The following CDH24 variants were observed in gnomAD, a reference collection of about 807,000 sequenced individuals.
CDH24 encodes cadherin 24, also known as cadherin-24.
Under a neutral mutation model 71.2 loss-of-function variants are expected in CDH24, and 61 were observed. That is an observed-to-expected ratio of 0.86 (90% confidence interval 0.70 to 1.06). The LOEUF (loss-of-function observed/expected upper bound fraction) is 1.06, where lower values mean the gene tolerates loss of function less well. CDH24 is among the 50% of genes least tolerant of loss of function. The pLI is 0.00. For missense variants in CDH24, 961 were observed against 1,083.7 expected, an observed-to-expected ratio of 0.89 and a Z score of 1.59; for synonymous variants, 440 against 470.2, an observed-to-expected ratio of 0.94 and a Z score of 0.83.
Position 23,048,129 on chromosome 14 carries a change from G to C in CDH24, c.2197C>G (p.Arg733Gly), listed in dbSNP as rs1296302583. Residue 733 changes from arginine to glycine, a missense_variant, in exon 12 of 13, where the codon CGC becomes GGC. By Grantham distance (125) the Arg-to-Gly change is moderately radical. Coordinates refer to ENST00000487137, the MANE Select transcript of CDH24 (RefSeq NM_144985.4). ...DSVQVYGYEG[R>G]GSSCGSLSSL... ...CTGAGGGAGCCGCAAGAGGAGCCGC[G>C]GCCCTCGTAGCCGTACACCTGCACC... is the stretch of plus-strand genomic sequence containing the variant. 1 of 1,399,138 alleles carries C rather than the reference G, an allele frequency of 7.1e-7. No homozygotes were observed. The highest frequency in any genetic ancestry group is 9.3e-7 in the Non-Finnish European group (1 of 1,080,480). 86.7% of individuals were successfully genotyped at this position (1,399,138 alleles called of 1,614,324 possible). A position where few individuals can be genotyped will look rare whatever the true frequency, so the allele number is the denominator to read the frequency against.
intron 7 of CDH24, 54 bp downstream of exon 7, chr14:23,053,442 T>C: frequency 1.3e-6 from 2 of 1,501,696 alleles, no homozygotes; most frequent in South Asian, 1.3e-5. Flanking sequence ...ACTCATTCTC[T>C]GGGTGGGAAG....
rs774879169 is a variant in CDH24 at position 23,057,214 on chromosome 14, GA to G, written c.-125+188del. Among the ~76,000 whole-genome samples the G allele has an allele frequency of 4.0e-5, 6 of 151,710 alleles. No individual in the cohort carries two copies. The highest frequency in any genetic ancestry group is 4.4e-5 in the Non-Finnish European group (3 of 67,874). ...AAACAGGCAGAGAAGGAAGGGTGAA[GA>G]GAAATCGAGAGAAGAAAGAGGGAGA... On this transcript the variant is annotated intron_variant, in intron 1 of 12. Transcript: ENST00000487137. The surrounding 1 kb of genome is among the most constrained non-coding windows in gnomAD (Gnocchi z 5.4).
At chr14:23,050,243 A>G (rs778057415) in intron 8 of CDH24, 3 of 281,524 alleles carry the variant, frequency 1.1e-5, no homozygotes, top group Non-Finnish European at 2.0e-5. Flanking sequence ...TGCAGCATAA[A>G]TGAAAGACAG....
rs1238737737 is a variant in CDH24, at chr14:23,052,217, C to G, written c.1363+256G>C. On this transcript the variant is annotated intron_variant, in intron 8 of 12. Coordinates refer to ENST00000487137, the MANE Select transcript of CDH24 (RefSeq NM_144985.4). ...GGGTCAGGAGAATGCTCAGGCACAC[C>G]CACTGTGCCCACCCAGCCCAGCCTA... The G allele has an allele frequency of 6.1e-5, 44 of 720,740 alleles. No individual in the cohort carries two copies. The Admixed American group carries it at 9.4e-4, about 15-fold the overall frequency. The allele number at this position is 720,740 out of a possible 1,614,324, so 44.6% of individuals were successfully genotyped here.
rs577571113 is a variant in CDH24 at position 23,055,466 on chromosome 14, T to G, written c.201+67A>C. 1 of 1,594,390 alleles carries G rather than the reference T, an allele frequency of 6.3e-7. No individual in the cohort carries two copies. The highest frequency in any genetic ancestry group is 1.3e-5 in the African/African-American group (1 of 74,608). ...TGAGGGACCAAGGTCATTGCAGAAG[T>G]GATGAAGTTGCAGGGCAGGGCCTGA... On this transcript the variant is annotated intron_variant, in intron 2 of 12. Transcript: ENST00000487137. The surrounding 1 kb of genome is among the most constrained non-coding windows in gnomAD (Gnocchi z 4.1).
Position 23,049,200 on chromosome 14 carries a change from A to G in CDH24, c.1673T>C (p.Leu558Pro). 6.3e-7 allele frequency: 1 copy of G among 1,575,778 alleles called. No individual in the cohort carries two copies. Among genetic ancestry groups the G allele is most frequent in the Non-Finnish European group, 8.6e-7 (1 of 1,160,060 alleles). Reference sequence around the variant, plus strand: ...CAGCGCCGGCTGCCCCCAGTCCCACAGTTCTATGGGAACCAAGTAGGGGGC... The same window carrying G: ...CAGCGCCGGCTGCCCCCAGTCCCACGGTTCTATGGGAACCAAGTAGGGGGC... ...RHAPYLVPIE[L>P]WDWGQPALSS... The change falls in exon 11 of 13, where the codon CTG becomes CCG. Residue 558 changes from leucine (L) to proline (P), a missense_variant. Transcript: ENST00000487137.
chr14:23,049,869 C>A lies in CDH24; in HGVS notation c.1438G>T (p.Ala480Ser). The change falls in exon 9 of 13, where the codon GCT becomes TCT. Residue 480 changes from alanine (A) to serine (S), a missense_variant. By Grantham distance (99) the Ala-to-Ser change is moderately conservative. Coordinates refer to ENST00000487137, the MANE Select transcript of CDH24 (RefSeq NM_144985.4). ...CACACAAAAGTATCGTAGGGCTCAG[C>A]CAGCTGGGGAGCATTGTCATTCTCA... ...LDENDNAPQLAEPYDTFVCDS... is the reference protein window; with the variant it reads ...LDENDNAPQLSEPYDTFVCDS... 1 of 1,614,088 alleles carries A rather than the reference C, an allele frequency of 6.2e-7. No homozygotes were observed. Among genetic ancestry groups the A allele is most frequent in the Non-Finnish European group, 8.5e-7 (1 of 1,180,006 alleles).
rs2047117343 is a variant in CDH24 at position 23,055,113 on chromosome 14, G to A, written c.442C>T (p.Pro148Ser). 1 of 1,614,046 alleles carries A rather than the reference G, an allele frequency of 6.2e-7. No individual in the cohort carries two copies. Among genetic ancestry groups the A allele is most frequent in the South Asian group, 1.1e-5 (1 of 91,084 alleles). The change falls in exon 3 of 13, where the codon CCC (proline) becomes TCC (serine). Residue 148 changes from proline (P) to serine (S), a missense_variant. Transcript: ENST00000487137. The surrounding 1 kb of genome is among the most constrained non-coding windows in gnomAD (Gnocchi z 4.1). ...IKVQDINDNP[P>S]IFPLGPYHAT... ...TGGTAGGGCCCAAGGGGAAAAATGGGTGGATTGTCGTTGATGTCTTGCACT... is the reference window on the plus strand; with the variant it reads ...TGGTAGGGCCCAAGGGGAAAAATGGATGGATTGTCGTTGATGTCTTGCACT...
chr14:23,047,992 G>C lies in CDH24; in HGVS notation c.2334C>G (p.Pro778=). The change falls in exon 12 of 13, where the codon CCC becomes CCG. Residue 778 remains proline, a synonymous_variant. Transcript: ENST00000487137. ...CCAGCCCGGGCGCTCAGGGGGCCGG[G>C]GGCTCCTTGGCCCCATACAGCTCGG... ...TLAELYGAKE[P]PAP The C allele has an allele frequency of 7.3e-7, 1 of 1,370,792 alleles. No individual in the cohort carries two copies. The highest frequency in any genetic ancestry group is 9.4e-7 in the Non-Finnish European group (1 of 1,066,680). The allele number at this position is 1,370,792 out of a possible 1,614,324, so 84.9% of individuals were successfully genotyped here.
In CDH24 at chr14:23,048,188, G is replaced by A. The variant is rs867269217; in HGVS notation, c.2138C>T (p.Ala713Val). 1 of 1,336,162 alleles carries A rather than the reference G, an allele frequency of 7.5e-7. No homozygotes were observed. Among genetic ancestry groups the A allele is most frequent in the Non-Finnish European group, 9.6e-7 (1 of 1,040,284 alleles). 82.8% of individuals were successfully genotyped at this position (1,336,162 alleles called of 1,614,324 possible). ...AQLLALRLRE[A>V]DEDPGVPPYD... ...CGGGGGTACGCCGGGGTCCTCGTCC[G>A]CCTCGCGGAGCCGCAGCGCCAGGAG... Residue 713 changes from alanine (A) to valine (V), a missense_variant, in exon 12 of 13, where the codon GCG becomes GTG. Ala to Val is a moderately conservative substitution (Grantham distance 64). Around this residue, in one of 2 missense-constraint regions of CDH24, gnomAD observed 290 missense variants for 272.8 expected, o/e 1.06. Coordinates refer to ENST00000487137, the MANE Select transcript of CDH24 (RefSeq NM_144985.4).
In CDH24 at chr14:23,053,545, C is replaced by T. The variant is rs1367232739; in HGVS notation, c.1177G>A (p.Val393Ile). ...AGGTCAGCCGCGGAGATCTGGCCTA[C>T]CAGGGTCCCCGGGGCCTTGTTCTCA... ...VPENKAPGTL[V>I]GQISAADLDS... The change falls in exon 7 of 13, where the codon GTA becomes ATA. Residue 393 changes from valine (V) to isoleucine (I), a missense_variant. Coordinates refer to ENST00000487137, the MANE Select transcript of CDH24 (RefSeq NM_144985.4). 44 of 1,605,872 alleles carry T rather than the reference C, an allele frequency of 2.7e-5. No homozygotes were observed. The highest frequency in any genetic ancestry group is 3.2e-5 in the Non-Finnish European group (38 of 1,173,828).
chr14:23,049,580 GAA>G, intron 10 of CDH24, 45 bp downstream of exon 10: 65 of 1,139,234 alleles, frequency 5.7e-5, no homozygotes, highest in Non-Finnish European at 6.9e-5. Context: ...AGGAGGAGGA[GAA>G]GGGGACAGAG....
chr14:23,053,229 A>T (rs2047097520), intron 7 of CDH24, among the ~76,000 whole-genome samples: 1 of 152,210 alleles, frequency 6.6e-6, no homozygotes, highest in African/African-American at 2.4e-5. Flanking sequence ...TCCACTTATC[A>T]AATGAGACTA....
rs745781493 is a variant in CDH24 at position 23,048,443 on chromosome 14, T to C, written c.1883A>G (p.Lys628Arg). 1 of 1,611,082 alleles carries C rather than the reference T, an allele frequency of 6.2e-7. No homozygotes were observed. Among genetic ancestry groups the C allele is most frequent in the Non-Finnish European group, 8.5e-7 (1 of 1,179,612 alleles). Residue 628 changes from lysine to arginine, a missense_variant, in exon 12 of 13, where the codon AAG (lysine) becomes AGG (arginine). Coordinates refer to ENST00000487137, the MANE Select transcript of CDH24 (RefSeq NM_144985.4). ...VVLFVALRRQ[K>R]QEALMVLEEE... ...CTCCAGTACCATCAGTGCTTCTTGC[T>C]TCTGCCGCCGCAGGGCCACGAAGAG...
rs1379318228 is a variant in CDH24, at chr14:23,048,206, G to T, written c.2120C>A (p.Ala707Glu). The T allele has an allele frequency of 7.6e-7, 1 of 1,321,300 alleles. No homozygotes were observed. Among genetic ancestry groups the T allele is most frequent in the Non-Finnish European group, 9.7e-7 (1 of 1,032,952 alleles). The allele number at this position is 1,321,300 out of a possible 1,614,324, so 81.8% of individuals were successfully genotyped here. A position where few individuals can be genotyped will look rare whatever the true frequency, so the allele number is the denominator to read the frequency against. ...PGPADVAQLL[A>E]LRLREADEDP... ...CTCGTCCGCCTCGCGGAGCCGCAGCGCCAGGAGCTGCGCCACGTCGGCGGG... is the reference window on the plus strand; with the variant it reads ...CTCGTCCGCCTCGCGGAGCCGCAGCTCCAGGAGCTGCGCCACGTCGGCGGG... The change falls in exon 12 of 13, where the codon GCG (alanine) becomes GAG (glutamate). Residue 707 changes from alanine (A) to glutamate (E), a missense_variant. Physicochemically the swap from Ala to Glu is moderately radical, Grantham distance 107. Around this residue, in one of 2 missense-constraint regions of CDH24, gnomAD observed 290 missense variants for 272.8 expected, o/e 1.06. Transcript: ENST00000487137.
intron 8 of CDH24, chr14:23,052,116 C>T: frequency 8.2e-7 from 1 of 1,215,710 alleles, no homozygotes. Flanking sequence ...TGGGGTCTGT[C>T]AGTACACAGG....
At chr14:23,048,765 C>G (rs118031053) in intron 11 of CDH24, among the ~76,000 whole-genome samples, 100 of 152,332 alleles carry the variant, frequency 6.6e-4, no homozygotes, top group Middle Eastern at 3.4e-3. Flanking sequence ...TGAAATATCA[C>G]AAGTGACGTG....
chr14:23,049,392 C>G, intron 10 of CDH24, 117 bp from the exon 11 acceptor site: 1 of 1,002,034 alleles, frequency 1.0e-6, no homozygotes, highest in Non-Finnish European at 1.4e-6. Context: ...GCCCATAGGT[C>G]CAGCCCATAG....
rs775756874 is a variant in CDH24, at chr14:23,052,300, C to T, written c.1363+173G>A. On this transcript the variant is annotated intron_variant, in intron 8 of 12. Coordinates refer to ENST00000487137, the MANE Select transcript of CDH24 (RefSeq NM_144985.4). ...TGGTAGCAAGGATCCAGGCTAGGAC[C>T]CAGATCCAGGCTAGGACTTGGATCC... 9.3e-5 allele frequency: 76 copies of T among 814,390 alleles called. 1 individual carries two copies. The highest frequency in any genetic ancestry group is 5.5e-4 in the Admixed American group (27 of 49,294). The allele number at this position is 814,390 out of a possible 1,614,324, so 50.4% of individuals were successfully genotyped here.
Sources: gnomAD v4.1 joint callset for allele counts (sites outside exome capture counted in the v4.1 genomes callset) on GRCh38, gnomAD v4.1.1 for gene constraint, gnomAD v4.1.1 regional missense constraint, Gnocchi (gnomAD v3.1) non-coding constraint, MANE v1.5 for transcripts, NCBI Gene and HGNC (gene_info 2026-07-23, HGNC 2026-07-21) for gene names.